DYM: variants seen among roughly 807,000 people sequenced by gnomAD.
DYM encodes dyggve-Melchior-Clausen syndrome protein.
Under a neutral mutation model 93.1 loss-of-function variants are expected in DYM, and 78 were observed. That is an observed-to-expected ratio of 0.84 (90% CI 0.70 to 1.01). The LOEUF is 1.01. Ranked by LOEUF, DYM falls within the 50% of genes least tolerant of loss-of-function variation. The pLI is 0.00. For missense variants in DYM, 789 were observed against 845.0 expected (o/e 0.93, Z 0.82); for synonymous variants, 321 against 319.7 (o/e 1.00, Z -0.04).
At chr18:49,191,994 T>C (rs780322257) in intron 14 of DYM, among the ~76,000 whole-genome samples, 8 of 151,948 alleles carry the variant, frequency 5.3e-5, no homozygotes, top group Non-Finnish European at 1.0e-4. Flanking sequence ...TGGAGTGTAA[T>C]AGTGCAATCA....
At chr18:49,315,531 C>A (rs925017282) in intron 8 of DYM, among the ~76,000 whole-genome samples, 32 of 152,166 alleles carry the variant, frequency 2.1e-4, no homozygotes, top group Middle Eastern at 3.4e-3. Context: ...CTATCTTTGC[C>A]CATCATAAAA....
intron 5 of DYM, among the ~76,000 whole-genome samples, chr18:49,374,696 C>T (rs2067328323): frequency 6.6e-6 from 1 of 152,202 alleles, no homozygotes; most frequent in Admixed American, 6.5e-5. Flanking sequence ...CAGTGGCTCA[C>T]ACCTGTAATC....
intron 8 of DYM, among the ~76,000 whole-genome samples, chr18:49,302,971 C>T (rs1015454250): frequency 6.6e-6 from 1 of 152,218 alleles, no homozygotes; most frequent in African/African-American, 2.4e-5. Context: ...TAAATTCAAT[C>T]TATTTGTTCT....
chr18:49,197,249 G>A (rs1050162004), intron 14 of DYM, among the ~76,000 whole-genome samples: 3 of 151,886 alleles, frequency 2.0e-5, no homozygotes, highest in African/African-American at 7.2e-5. Context: ...TAAAGTCATA[G>A]AAATTGATGA....
chr18:49,401,066 G>A (rs2070758301), intron 2 of DYM, among the ~76,000 whole-genome samples: 2 of 151,912 alleles, frequency 1.3e-5, no homozygotes, highest in African/African-American at 4.8e-5. Flanking sequence ...ACACAAAAGG[G>A]GGCAAAAAGG....
At chr18:49,240,746 G>A (rs1245529099) in intron 13 of DYM, among the ~76,000 whole-genome samples, 1 of 152,078 alleles carries the variant, frequency 6.6e-6, no homozygotes, top group Admixed American at 6.5e-5. Context: ...GGCTAGTTCA[G>A]CTCACAACTC....
At chr18:49,232,484 T>C (rs1176560197) in intron 13 of DYM, among the ~76,000 whole-genome samples, 1 of 151,498 alleles carries the variant, frequency 6.6e-6, no homozygotes, top group Non-Finnish European at 1.5e-5. Flanking sequence ...TTTGTATTTT[T>C]AGTAGAGATG....
intron 8 of DYM, among the ~76,000 whole-genome samples, chr18:49,301,445 C>T (rs1036461230): frequency 1.3e-5 from 2 of 148,928 alleles, no homozygotes; most frequent in Admixed American, 6.7e-5. Flanking sequence ...GGCATGAACC[C>T]GGGAGGCGGA....
intron 1 of DYM, 117 bp from the exon 2 acceptor site, chr18:49,430,564 T>C (rs2074717988): frequency 2.5e-6 from 2 of 814,036 alleles, no homozygotes; most frequent in African/African-American, 3.5e-5. Flanking sequence ...TTTATAAATA[T>C]ATTAGACATC....
chr18:49,097,917 A>G (rs752482541), intron 16 of DYM, among the ~76,000 whole-genome samples: 1 of 125,884 alleles, frequency 7.9e-6, no homozygotes, highest in Non-Finnish European at 1.9e-5. Context: ...CTCTCTCAAA[A>G]GGGCTTAACA....
At chr18:49,364,191 T>C (rs773899597) in intron 5 of DYM, among the ~76,000 whole-genome samples, 12 of 152,218 alleles carry the variant, frequency 7.9e-5, no homozygotes, top group Non-Finnish European at 1.8e-4. Flanking sequence ...ACACCTATAA[T>C]CCCAGCATTT....
In DYM at chr18:49,324,463, A is replaced by G. The variant is rs528282565; in HGVS notation, c.763+7401T>C. Among the ~76,000 whole-genome samples the G allele has an allele frequency of 2.0e-4, 31 of 152,352 alleles. No individual in the cohort carries two copies. The East Asian group carries it at 5.4e-3, about 26-fold the overall frequency. On this transcript the variant is annotated intron_variant, in intron 8 of 17. Transcript: ENST00000675505. ...GTTGTCAAGGCAAGTTCACTTAGGA[A>G]GCAAGGAGAAATCTCTTGTGGGCAA...
intron 17 of DYM, among the ~76,000 whole-genome samples, chr18:49,081,669 G>A (rs2078052026): frequency 1.3e-5 from 2 of 152,178 alleles, no homozygotes; most frequent in Admixed American, 6.5e-5. Context: ...CAGATGTGTG[G>A]TTCAAGGTTT....
intron 1 of DYM, among the ~76,000 whole-genome samples, chr18:49,444,976 A>C (rs2081977070): frequency 6.6e-6 from 1 of 152,128 alleles, no homozygotes; most frequent in African/African-American, 2.4e-5. Context: ...GAGAACACTA[A>C]CTTTAAACTC....
chr18:49,433,376 C>A (rs1294501822), intron 1 of DYM, among the ~76,000 whole-genome samples: 1 of 152,112 alleles, frequency 6.6e-6, no homozygotes, highest in South Asian at 2.1e-4. Context: ...CTAAATTCAA[C>A]AGTAATCAAC....
chr18:49,361,799 C>T (rs149606825), intron 6 of DYM, among the ~76,000 whole-genome samples: 3 of 152,282 alleles, frequency 2.0e-5, no homozygotes, highest in African/African-American at 7.2e-5. Context: ...CGGCTCACTG[C>T]AACCTCTGCC....
intron 6 of DYM, among the ~76,000 whole-genome samples, chr18:49,336,840 C>A (rs1427676889): frequency 2.0e-5 from 3 of 152,142 alleles, no homozygotes; most frequent in Non-Finnish European, 4.4e-5. Flanking sequence ...GATTACAGGA[C>A]ACTCTGATAG....
chr18:49,096,059 C>G (rs756836714), intron 17 of DYM, among the ~76,000 whole-genome samples: 1 of 152,090 alleles, frequency 6.6e-6, no homozygotes, highest in Non-Finnish European at 1.5e-5. Flanking sequence ...CACAAAAATA[C>G]CCCCAAACCA....
At chr18:49,080,105 CGGGGGGCTG>C (rs2077703025) in intron 17 of DYM, among the ~76,000 whole-genome samples, 2 of 63,384 alleles carry the variant, frequency 3.2e-5, no homozygotes, top group South Asian at 5.6e-4. Flanking sequence ...GCTGGCCGGG[CGGGGGGCTG>C]ACCCCCCCAC....
Sources: allele counts gnomAD v4.1 joint callset (sites outside exome capture counted in the v4.1 genomes callset), GRCh38; gene constraint gnomAD v4.1.1; transcripts MANE v1.5; gene names NCBI Gene and HGNC (gene_info 2026-07-23, HGNC 2026-07-21).